The following PTPRK variants were observed in gnomAD, a reference collection of about 807,000 sequenced individuals.
PTPRK encodes protein tyrosine phosphatase receptor type K, also known as receptor-type tyrosine-protein phosphatase kappa.
In PTPRK, 75 loss-of-function variants were observed where a neutral mutation model predicts 178.0. That is an observed-to-expected ratio of 0.42 (90% CI 0.35 to 0.51). The LOEUF is 0.51. Among genes scored for constraint, PTPRK ranks in the 20% least tolerant of loss-of-function variants. The pLI is 0.02. For synonymous variants in PTPRK, 637 were observed against 620.6 expected, an observed-to-expected ratio of 1.03 and a Z score of -0.39; for missense variants, 1,441 against 1,797.8, an observed-to-expected ratio of 0.80 and a Z score of 3.59.
intron 6 of PTPRK, among the ~76,000 whole-genome samples, chr6:128,190,655 C>T (rs555391265): frequency 5.3e-5 from 8 of 151,782 alleles, no homozygotes; most frequent in East Asian, 3.9e-4. Context: ...CTTGCCACCA[C>T]GCCCAGCTAA....
At position 128,464,638 on chromosome 6, in the gene PTPRK, CATATATATATATATATATATATAT is replaced by C. The variant is rs10665667; in HGVS notation, c.100+55597_100+55620del. 3.9e-4 allele frequency among the ~76,000 whole-genome samples: 19 copies of C among 48,610 alleles called. 1 individual carries two copies. The highest frequency in any genetic ancestry group is 3.7e-3 in the South Asian group (4 of 1,080). The allele number at this position is 48,610 out of a possible 152,430, so 31.9% of individuals were successfully genotyped here. A position where few individuals can be genotyped will look rare whatever the true frequency, so the allele number is the denominator to read the frequency against. ...ACATATACATATATATATATATACA[CATATATATATATATATATATATAT>C]ATATATATATATACAACAGATGGTC... On this transcript the variant is annotated intron_variant, in intron 1 of 29. Transcript: ENST00000368226.
chr6:127,976,032 A>G (rs1774537192), intron 27 of PTPRK, among the ~76,000 whole-genome samples: 1 of 152,080 alleles, frequency 6.6e-6, no homozygotes, highest in African/African-American at 2.4e-5. Context: ...TGTAGTGGAA[A>G]GCAAATGAGG....
At chr6:128,382,165 A>T (rs1277285914) in intron 2 of PTPRK, among the ~76,000 whole-genome samples, 4 of 151,178 alleles carry the variant, frequency 2.6e-5, no homozygotes, top group Non-Finnish European at 5.9e-5. Flanking sequence ...AAAAAAAAAA[A>T]AAAAAAAGGA....
chr6:128,178,913 G>A (rs1451576188), intron 7 of PTPRK, among the ~76,000 whole-genome samples: 2 of 151,690 alleles, frequency 1.3e-5, no homozygotes, highest in Non-Finnish European at 2.9e-5. Flanking sequence ...TAGTAACCAT[G>A]GTTTCTCTCA....
chr6:128,464,677 A>ATATATGTATATATATAT (rs1367306428), intron 1 of PTPRK, among the ~76,000 whole-genome samples: 1 of 130,252 alleles, frequency 7.7e-6, no homozygotes, highest in African/African-American at 2.9e-5. Flanking sequence ...ATATATATAC[A>ATATATGTATATATATAT]ACAGATGGTC....
chr6:128,068,001 T>C (rs927176898), intron 11 of PTPRK, among the ~76,000 whole-genome samples: 4 of 152,134 alleles, frequency 2.6e-5, no homozygotes, highest in Non-Finnish European at 4.4e-5. Flanking sequence ...TCACTGTAGT[T>C]ACAAAGAAAC....
At chr6:128,356,411 A>ACTAATTTCACTAATTAGTGACT (rs1275675504) in intron 2 of PTPRK, among the ~76,000 whole-genome samples, 1 of 152,216 alleles carries the variant, frequency 6.6e-6, no homozygotes, top group Non-Finnish European at 1.5e-5. Context: ...AAACTAGTTT[A>ACTAATTTCACTAATTAGTGACT]GCCAGTCACT....
At chr6:128,253,590 T>C (rs1315775642) in intron 3 of PTPRK, among the ~76,000 whole-genome samples, 1 of 152,188 alleles carries the variant, frequency 6.6e-6, no homozygotes, top group Non-Finnish European at 1.5e-5. Flanking sequence ...TTTGTCTTCC[T>C]ACAATCCACA....
intron 7 of PTPRK, among the ~76,000 whole-genome samples, chr6:128,163,449 G>A (rs539699085): frequency 6.2e-4 from 94 of 151,484 alleles, no homozygotes; most frequent in Non-Finnish European, 1.2e-3. Context: ...AGGTAGCTTG[G>A]TAGAAAAATA....
At chr6:128,364,099 T>C (rs1282284004) in intron 2 of PTPRK, among the ~76,000 whole-genome samples, 1 of 152,088 alleles carries the variant, frequency 6.6e-6, no homozygotes, top group Non-Finnish European at 1.5e-5. Flanking sequence ...TAAAACTCTA[T>C]ATTACATAGC....
intron 1 of PTPRK, among the ~76,000 whole-genome samples, chr6:128,457,721 C>T (rs1279133766): frequency 6.6e-6 from 1 of 152,014 alleles, no homozygotes; most frequent in Non-Finnish European, 1.5e-5. Flanking sequence ...TAATTTTTTC[C>T]TAAAAATGAC....
chr6:128,416,470 T>C (rs1842865733), intron 1 of PTPRK, among the ~76,000 whole-genome samples: 1 of 149,776 alleles, frequency 6.7e-6, no homozygotes, highest in African/African-American at 2.5e-5. Context: ...TGAAACCCAG[T>C]CTCTACTAAA....
chr6:128,038,042 A>T (rs1277822495), intron 13 of PTPRK, among the ~76,000 whole-genome samples: 4 of 152,230 alleles, frequency 2.6e-5, no homozygotes, highest in Non-Finnish European at 5.9e-5. Context: ...GATGTTTCAC[A>T]GCAATGTGAG....
At chr6:128,010,640 T>C (rs75921696) in intron 13 of PTPRK, among the ~76,000 whole-genome samples, 4,031 of 151,380 alleles carry the variant, frequency 0.027, 87 homozygotes, top group East Asian at 0.093. Context: ...CTAATGTAAA[T>C]ATCATTATAT....
chr6:128,373,971 AG>A (rs1836659962), intron 2 of PTPRK, among the ~76,000 whole-genome samples: 1 of 152,200 alleles, frequency 6.6e-6, no homozygotes. Context: ...TCAGAAATAC[AG>A]ATGTAGCCCC....
rs541906766 is a variant in PTPRK, at chr6:128,499,890, T to C, written c.100+20369A>G. 4.6e-5 allele frequency among the ~76,000 whole-genome samples: 7 copies of C among 152,346 alleles called. No individual in the cohort carries two copies. The East Asian group carries it at 1.2e-3, about 25-fold the overall frequency. ...CTTAAGCTGGTTGCTACCTACTGAA[T>C]TGAATTCGGTACCCACCAAATGGGT... On this transcript the variant is annotated intron_variant, in intron 1 of 29. Coordinates refer to ENST00000368226, the MANE Select transcript of PTPRK (RefSeq NM_002844.4).
At chr6:127,993,722 A>G (rs4113586) in intron 18 of PTPRK, among the ~76,000 whole-genome samples, 1,960 of 151,820 alleles carry the variant, frequency 0.013, 49 homozygotes, top group African/African-American at 0.044. Context: ...TCCAAGCTTT[A>G]TAAGTATTTC....
intron 13 of PTPRK, among the ~76,000 whole-genome samples, chr6:128,035,331 A>C (rs919922006): frequency 6.6e-6 from 1 of 152,116 alleles, no homozygotes; most frequent in African/African-American, 2.4e-5. Flanking sequence ...GTGCCACTGC[A>C]CTCCAGCCTG....
chr6:128,195,832 C>A (rs1405457660), intron 6 of PTPRK, among the ~76,000 whole-genome samples: 1 of 152,020 alleles, frequency 6.6e-6, no homozygotes, highest in Non-Finnish European at 1.5e-5. Flanking sequence ...TATATAGATC[C>A]AACTAAGTTT....
Sources: gnomAD v4.1 joint callset for allele counts (sites outside exome capture counted in the v4.1 genomes callset) on GRCh38, gnomAD v4.1.1 for gene constraint, MANE v1.5 for transcripts, NCBI Gene and HGNC (gene_info 2026-07-23, HGNC 2026-07-21) for gene names.